Variants in MYNN observed in about 807,000 individuals in gnomAD.
MYNN encodes the protein myoneurin.
MYNN carries 22 observed loss-of-function variants against 57.2 expected under a neutral mutation model. The observed-to-expected ratio is 0.38, with a 90% confidence interval of 0.27 to 0.55. The LOEUF is 0.55. MYNN is among the 20% of genes least tolerant of loss of function. The probability of loss-of-function intolerance (pLI) is 0.71; values close to 1 mark genes in which losing one functional copy is unlikely to be tolerated. For synonymous variants in MYNN, 241 were observed against 257.1 expected (o/e 0.94, Z 0.60); for missense variants, 566 against 723.1 (o/e 0.78, Z 2.49).
intron 2 of MYNN, among the ~76,000 whole-genome samples, chr3:169,775,426 G>A (rs151255743): frequency 1.1e-4 from 16 of 152,284 alleles, no homozygotes; most frequent in Admixed American, 4.6e-4. Flanking sequence ...AAGTGAACAT[G>A]AATAGACTGT....
intron 3 of MYNN, 127 bp from the exon 4 acceptor site, chr3:169,780,463 A>G (rs923975864): frequency 1.6e-6 from 1 of 607,306 alleles, no homozygotes; most frequent in Non-Finnish European, 2.7e-6. Context: ...AAAAGATTAT[A>G]TTTGTTTTCA....
At chr3:169,779,824 AACAGAG>A (rs1485074861) in intron 3 of MYNN, 1 of 450,148 alleles carries the variant, frequency 2.2e-6, no homozygotes, top group African/African-American at 1.9e-5. Context: ...CCAAGTATTT[AACAGAG>A]ACAAAGACAT....
chr3:169,774,744 A>C (rs1446003065), intron 2 of MYNN, among the ~76,000 whole-genome samples, 183 bp downstream of exon 2: 1 of 152,248 alleles, frequency 6.6e-6, no homozygotes, highest in East Asian at 1.9e-4. Context: ...TATTTTTCAT[A>C]AGCACAGATA....
intron 1 of MYNN, 69 bp from the exon 2 acceptor site, chr3:169,774,196 G>T: frequency 8.2e-7 from 1 of 1,221,052 alleles, no homozygotes; most frequent in Non-Finnish European, 1.2e-6. Flanking sequence ...TATGTCCTCT[G>T]TCCCTTCCCT....
At chr3:169,785,098 A>G (rs1284178578) in intron 7 of MYNN, among the ~76,000 whole-genome samples, 1 of 150,784 alleles carries the variant, frequency 6.6e-6, no homozygotes, top group African/African-American at 2.4e-5. Context: ...TATCATGAAC[A>G]CTAGTCCAGA....
At chr3:169,775,145 GTT>G (rs1217845397) in intron 2 of MYNN, among the ~76,000 whole-genome samples, 1 of 152,074 alleles carries the variant, frequency 6.6e-6, no homozygotes, top group African/African-American at 2.4e-5. Context: ...TCTGACTCCT[GTT>G]ATCTCTATTA....
intron 7 of MYNN, 131 bp downstream of exon 7, chr3:169,784,839 G>A (rs1181978209): frequency 4.4e-6 from 2 of 455,272 alleles, no homozygotes; most frequent in Non-Finnish European, 7.7e-6. Flanking sequence ...CAAAAACTAG[G>A]TATATACATG....
rs902920337 is a variant in MYNN at position 169,774,301 on chromosome 3, G to A, written c.6G>A (p.Gln2=). 1.2e-6 allele frequency: 2 copies of A among 1,613,582 alleles called. No individual in the cohort carries two copies. The highest frequency in any genetic ancestry group is 1.7e-5 in the Admixed American group (1 of 59,998). The change falls in exon 2 of 8, where the codon CAG becomes CAA. Residue 2 remains glutamine (Q), a synonymous_variant. Transcript: ENST00000349841. M[Q]YSHHCEHLLE... Reference sequence around the variant, plus strand: ...AATTCCATTCTGATATCAAAATGCAGTATTCGCACCACTGTGAGCACCTTT... The same window carrying A: ...AATTCCATTCTGATATCAAAATGCAATATTCGCACCACTGTGAGCACCTTT...
At chr3:169,785,301 G>T (rs1366938863) in intron 7 of MYNN, among the ~76,000 whole-genome samples, 1 of 151,764 alleles carries the variant, frequency 6.6e-6, no homozygotes, top group Non-Finnish European at 1.5e-5. Context: ...CTTAAACATC[G>T]TAAGTATTAA....
chr3:169,776,043 A>G (rs1211709969), intron 2 of MYNN, among the ~76,000 whole-genome samples: 2 of 152,208 alleles, frequency 1.3e-5, no homozygotes, highest in African/African-American at 4.8e-5. Context: ...AAGTTGATTA[A>G]AGGAAAAGAG....
Position 169,779,307 on chromosome 3 carries a change from T to G in MYNN, c.806T>G (p.Leu269Arg). The part of the protein sequence containing the change: ...KRGKSQPNCA[L>R]KEHSMSNIAS... ...GGAAAATCACAGCCAAACTGTGCTC[T>G]GAAAGAACACTCTATGTCTAATATA... The change falls in exon 3 of 8, where the codon CTG (leucine) becomes CGG (arginine). Residue 269 changes from leucine (L) to arginine (R), a missense_variant. Physicochemically the swap from Leu to Arg is moderately radical, Grantham distance 102 (BLOSUM62 -2). Coordinates refer to ENST00000349841, the MANE Select transcript of MYNN (RefSeq NM_018657.5). 6.2e-7 allele frequency: 1 copy of G among 1,614,176 alleles called. No homozygotes were observed. Among genetic ancestry groups the G allele is most frequent in the Non-Finnish European group, 8.5e-7 (1 of 1,180,048 alleles).
Position 169,782,399 on chromosome 3 carries a change from T to TATG in MYNN, c.1221-64_1221-62dup. On this transcript the variant is annotated intron_variant, in intron 4 of 7. Transcript: ENST00000349841. The surrounding 1 kb of genome is among the most constrained non-coding windows in gnomAD (Gnocchi z 4.8). ...ATGAAATAAAATCTATAAAAAACTT[T>TATG]ATGAATTCTTGCTATATAGACTGAC... 1 of 1,310,526 alleles carries TATG rather than the reference T, an allele frequency of 7.6e-7. No homozygotes were observed. The highest frequency in any genetic ancestry group is 1.6e-5 in the South Asian group (1 of 64,362). The allele number at this position is 1,310,526 out of a possible 1,614,324, so 81.2% of individuals were successfully genotyped here. A position where few individuals can be genotyped will look rare whatever the true frequency, so the allele number is the denominator to read the frequency against.
chr3:169,775,907 G>A (rs562084265), intron 2 of MYNN, among the ~76,000 whole-genome samples: 5 of 152,132 alleles, frequency 3.3e-5, no homozygotes, highest in East Asian at 1.9e-4. Context: ...TCCTTTTGAC[G>A]AGGAAACATT....
At chr3:169,779,626 G>A in intron 3 of MYNN, 65 bp downstream of exon 3, 2 of 1,488,048 alleles carry the variant, frequency 1.3e-6, no homozygotes, top group Non-Finnish European at 1.8e-6. Context: ...TTTTTATAGA[G>A]AGTACTTAGC....
rs778047782 is a variant in MYNN at position 169,778,849 on chromosome 3, A to T, written c.348A>T (p.Glu116Asp). 2 of 1,613,422 alleles carry T rather than the reference A, an allele frequency of 1.2e-6. No homozygotes were observed. Among genetic ancestry groups the T allele is most frequent in the African/African-American group, 2.7e-5 (2 of 74,880 alleles). The change falls in exon 3 of 8, where the codon GAA becomes GAT. Residue 116 changes from glutamate to aspartate, a missense_variant. Physicochemically the swap from Glu to Asp is conservative, Grantham distance 45. Around this residue, in one of 4 missense-constraint regions of MYNN, gnomAD observed 261 missense variants for 280.8 expected, o/e 0.93. Coordinates refer to ENST00000349841, the MANE Select transcript of MYNN (RefSeq NM_018657.5). ...EVVTKCKIKM[E>D]DFAFIANPSS... The stretch of plus-strand genomic sequence containing the variant: ...TCACTAAATGCAAAATAAAGATGGA[A>T]GATTTTGCTTTTATTGCTAATCCTT...
intron 4 of MYNN, 32 bp downstream of exon 4, chr3:169,780,781 A>T: frequency 6.4e-7 from 1 of 1,554,296 alleles, no homozygotes. Context: ...TTGATCTTTT[A>T]GTCTTTTAAT....
chr3:169,774,451 C>T lies in MYNN; in HGVS notation c.156C>T (p.Ile52=). 1 of 1,614,084 alleles carries T rather than the reference C, an allele frequency of 6.2e-7. No individual in the cohort carries two copies. The highest frequency in any genetic ancestry group is 8.5e-7 in the Non-Finnish European group (1 of 1,179,990). Residue 52 remains isoleucine, a synonymous_variant, in exon 2 of 8, where the codon ATC becomes ATT. Coordinates refer to ENST00000349841, the MANE Select transcript of MYNN (RefSeq NM_018657.5). ...LASFSEYFGA[I]YRSTSENNVF... ...CCTTTAGTGAGTATTTTGGTGCGAT[C>T]TACAGAAGCACTTCTGAGAACAATG... is the stretch of plus-strand genomic sequence containing the variant.
At position 169,778,819 on chromosome 3, in the gene MYNN, G is replaced by A; in HGVS notation, c.318G>A (p.Glu106=). 1 of 1,611,916 alleles carries A rather than the reference G, an allele frequency of 6.2e-7. No homozygotes were observed. The highest frequency in any genetic ancestry group is 1.7e-5 in the Admixed American group (1 of 59,476). Residue 106 remains glutamate, a synonymous_variant, in exon 3 of 8, where the codon GAG becomes GAA. Coordinates refer to ENST00000349841, the MANE Select transcript of MYNN (RefSeq NM_018657.5). ...HQAADYLKVE[E]VVTKCKIKME... is the part of the protein sequence containing the mutation. ...CTGCTGACTATCTCAAAGTGGAAGA[G>A]GTGGTCACTAAATGCAAAATAAAGA...
intron 2 of MYNN, chr3:169,778,246 C>T (rs572631684): frequency 6.5e-6 from 1 of 154,192 alleles, no homozygotes; most frequent in Non-Finnish European, 1.4e-5. Flanking sequence ...CAGGCCCCAT[C>T]ACAGACCTAC....
Sources: allele counts gnomAD v4.1 joint callset (sites outside exome capture counted in the v4.1 genomes callset), GRCh38; gene constraint gnomAD v4.1.1; regional missense constraint gnomAD v4.1.1; non-coding constraint Gnocchi (gnomAD v3.1); transcripts MANE v1.5; gene names NCBI Gene and HGNC (gene_info 2026-07-23, HGNC 2026-07-21).